The following TULP4 variants were observed in gnomAD, a reference collection of about 807,000 sequenced individuals.
TULP4 encodes the protein tubby-related protein 4.
A neutral mutation model predicts 129.0 loss-of-function variants in TULP4; 16 were observed. The ratio of observed to expected loss-of-function variants is 0.12; its 90% CI spans 0.08 to 0.19. The LOEUF (loss-of-function observed/expected upper bound fraction) is 0.19. Among genes scored for constraint, TULP4 ranks in the 10% least tolerant of loss-of-function variants. The pLI is 1.00. For synonymous variants in TULP4, 998 were observed against 854.0 expected, an observed-to-expected ratio of 1.17 and a Z score of -2.94; for missense variants, 1,842 against 2,059.1, an observed-to-expected ratio of 0.89 and a Z score of 2.04.
intron 1 of TULP4, among the ~76,000 whole-genome samples, chr6:158,250,330 G>T (rs891076357): frequency 5.3e-5 from 8 of 151,674 alleles, no homozygotes; most frequent in African/African-American, 1.9e-4. Flanking sequence ...GCTAATTTTT[G>T]TAGTTTTAGT....
chr6:158,414,146 A>G (rs762111083), intron 2 of TULP4, among the ~76,000 whole-genome samples: 4 of 152,264 alleles, frequency 2.6e-5, no homozygotes, highest in Non-Finnish European at 5.9e-5. Context: ...ATATCATCAC[A>G]GAAGACCCTG....
chr6:158,467,619 C>G (rs989629793), intron 6 of TULP4, among the ~76,000 whole-genome samples: 2 of 152,102 alleles, frequency 1.3e-5, no homozygotes, highest in Middle Eastern at 3.2e-3. Context: ...TTTGCAGCCA[C>G]AGTCTTTGTA....
chr6:158,254,508 A>G (rs187336704), intron 1 of TULP4, among the ~76,000 whole-genome samples: 9 of 152,356 alleles, frequency 5.9e-5, no homozygotes, highest in Non-Finnish European at 1.2e-4. Flanking sequence ...TGGCCAGATA[A>G]GAGTGTTGGC....
At chr6:158,233,339 T>A (rs1163425076) in intron 1 of TULP4, among the ~76,000 whole-genome samples, 2 of 152,244 alleles carry the variant, frequency 1.3e-5, no homozygotes, top group African/African-American at 2.4e-5. Context: ...CTTAAGGATA[T>A]CCTTTAAGTC....
intron 8 of TULP4, among the ~76,000 whole-genome samples, chr6:158,483,251 T>C (rs576618988): frequency 1.3e-4 from 20 of 152,292 alleles, no homozygotes; most frequent in Admixed American, 5.9e-4. Flanking sequence ...ATATAACTAA[T>C]TGCACCTGAA....
rs1293185919 is a variant in TULP4 at position 158,501,968 on chromosome 6, A to T, written c.2305A>T (p.Asn769Tyr). 1.2e-6 allele frequency: 2 copies of T among 1,613,724 alleles called. No homozygotes were observed. The highest frequency in any genetic ancestry group is 2.2e-5 in the South Asian group (2 of 91,058). Residue 769 changes from asparagine to tyrosine, a missense_variant, in exon 13 of 14, where the codon AAC becomes TAC. By Grantham distance (143) the Asn-to-Tyr change is moderately radical (BLOSUM62 -2). Around this residue, in one of 5 missense-constraint regions of TULP4, gnomAD observed 1,089 missense variants for 987.1 expected, o/e 1.10. Coordinates refer to ENST00000367097, the MANE Select transcript of TULP4 (RefSeq NM_020245.5). ...GSVEMGRIIQNPPPLSLPPPP... is the reference protein window; with the variant it reads ...GSVEMGRIIQYPPPLSLPPPP... ...CGTGGAAATGGGCCGCATCATTCAG[A>T]ACCCCCCTCCACTGTCCCTGCCTCC...
At chr6:158,339,212 C>T (rs935031279) in intron 1 of TULP4, among the ~76,000 whole-genome samples, 15 of 152,080 alleles carry the variant, frequency 9.9e-5, no homozygotes, top group African/African-American at 3.6e-4. Flanking sequence ...TTCTGTGATG[C>T]CCCCGAGCCG....
At chr6:158,461,952 G>A (rs962389882) in intron 6 of TULP4, among the ~76,000 whole-genome samples, 1 of 152,150 alleles carries the variant, frequency 6.6e-6, no homozygotes, top group Non-Finnish European at 1.5e-5. Context: ...GTAAGCTGGT[G>A]TTTATCATCA....
chr6:158,280,981 G>A (rs1033543671), upstream of TULP4, among the ~76,000 whole-genome samples: 5 of 152,058 alleles, frequency 3.3e-5, no homozygotes, highest in East Asian at 1.9e-4. Context: ...TACATTAAAC[G>A]TGAGGAGTAA....
In TULP4 at chr6:158,503,914, T is replaced by TGAGCTCATGAACCA; in HGVS notation, c.4256_4269dup (p.Gln1424SerfsTer2). The TGAGCTCATGAACCA allele has an allele frequency of 6.2e-7, 1 of 1,614,012 alleles. No homozygotes were observed. The highest frequency in any genetic ancestry group is 8.5e-7 in the Non-Finnish European group (1 of 1,180,026). ...AGCCTGAGCTGTTCATCAGCGGGGA[T>TGAGCTCATGAACCA]GAGCTCATGAACCAGAGCCAGGGCA... is the stretch of plus-strand genomic sequence containing the variant. On this transcript the variant is annotated frameshift_variant, in exon 13 of 14. Transcript: ENST00000367097. LOFTEE classifies it high-confidence loss of function. This position sits in a 1 kb window ranked among gnomAD's most constrained non-coding sequence, Gnocchi z 4.3.
chr6:158,292,086 T>C (rs1583709797), intron 1 of TULP4, among the ~76,000 whole-genome samples: 1 of 152,228 alleles, frequency 6.6e-6, no homozygotes, highest in Admixed American at 6.5e-5. Context: ...ATTTCCTAAA[T>C]TGGGACAGTT....
chr6:158,413,214 T>C lies in TULP4; in HGVS notation c.381+21T>C. 1.2e-6 allele frequency: 2 copies of C among 1,602,990 alleles called. No homozygotes were observed. Among genetic ancestry groups the C allele is most frequent in the South Asian group, 1.1e-5 (1 of 90,156 alleles). On this transcript the variant is annotated intron_variant, in intron 2 of 13. Coordinates refer to ENST00000367097, the MANE Select transcript of TULP4 (RefSeq NM_020245.5). The surrounding 1 kb of genome is among the most constrained non-coding windows in gnomAD (Gnocchi z 4.9). ...CGCAGGTGAGTGGCAGGCGCAGCTC[T>C]GCCAGTGAAGGGCTGCGGGGTAGAG...
upstream of TULP4, among the ~76,000 whole-genome samples, chr6:158,308,986 A>ACC (rs1250770854): frequency 9.9e-3 from 1,103 of 111,438 alleles, 31 homozygotes; most frequent in African/African-American, 0.036. Flanking sequence ...CAGGGGGCTG[A>ACC]CCCCCCCACC....
intron 1 of TULP4, among the ~76,000 whole-genome samples, chr6:158,272,348 T>C (rs1013101787): frequency 6.6e-6 from 1 of 152,228 alleles, no homozygotes; most frequent in Non-Finnish European, 1.5e-5. Flanking sequence ...CAAGAATTGT[T>C]GTTCAGTACA....
intron 1 of TULP4, among the ~76,000 whole-genome samples, chr6:158,354,386 C>T (rs931717164): frequency 2.6e-5 from 4 of 152,188 alleles, no homozygotes; most frequent in Non-Finnish European, 4.4e-5. Flanking sequence ...ATGGGGCATA[C>T]ATTCTGTCGT....
chr6:158,242,064 T>A lies in TULP4; in HGVS notation n.68+9761T>A, dbSNP rs1257323292. On this transcript the variant is annotated intron_variant and non_coding_transcript_variant, in intron 1 of 1. Coordinates refer to the TULP4 transcript ENST00000620026. ...GTAACCCTACATCCGTTGGTTTTAG[T>A]AGTAGTATTTGATTGTAAAGTTGCA... 5.0e-6 allele frequency: 4 copies of A among 796,894 alleles called. No individual in the cohort carries two copies. In the African/African-American group the frequency reaches 6.7e-5, roughly 13 times the overall value. The allele number at this position is 796,894 out of a possible 1,614,324, so 49.4% of individuals were successfully genotyped here.
At chr6:158,366,685 G>A (rs1004340694) in intron 1 of TULP4, among the ~76,000 whole-genome samples, 2 of 152,126 alleles carry the variant, frequency 1.3e-5, no homozygotes, top group African/African-American at 2.4e-5. Context: ...TGTTTGTTCT[G>A]TTGGTAAACA....
intron 1 of TULP4, among the ~76,000 whole-genome samples, chr6:158,315,664 C>T (rs1779470487): frequency 6.6e-6 from 1 of 152,184 alleles, no homozygotes; most frequent in African/African-American, 2.4e-5. Flanking sequence ...ATATCTTAGA[C>T]TGGGTAATCC....
chr6:158,239,962 TC>T (rs1777832972), intron 1 of TULP4, among the ~76,000 whole-genome samples: 1 of 81,404 alleles, frequency 1.2e-5, no homozygotes, highest in Non-Finnish European at 2.7e-5. Context: ...CCCACCTCCC[TC>T]CCGGACGGGG....
Sources: allele counts gnomAD v4.1 joint callset (sites outside exome capture counted in the v4.1 genomes callset), GRCh38; gene constraint gnomAD v4.1.1; regional missense constraint gnomAD v4.1.1; non-coding constraint Gnocchi (gnomAD v3.1); transcripts MANE v1.5; gene names NCBI Gene and HGNC (gene_info 2026-07-23, HGNC 2026-07-21).